RHBDD1: variants seen among roughly 807,000 people sequenced by gnomAD.
RHBDD1 encodes the protein rhomboid domain containing 1.
Under a neutral mutation model 36.3 loss-of-function variants are expected in RHBDD1, and 38 were observed. That is an observed-to-expected ratio of 1.05 (90% CI 0.81 to 1.37). The LOEUF (loss-of-function observed/expected upper bound fraction) is 1.37, where lower values mean the gene tolerates loss of function less well. Among genes scored for constraint, RHBDD1 ranks in the 40% most tolerant of loss-of-function variants. The pLI is 0.00. For synonymous variants in RHBDD1, 151 were observed against 136.5 expected (o/e 1.11, Z -0.74); for missense variants, 393 against 377.6 (o/e 1.04, Z -0.34).
At chr2:226,931,863 A>G (rs1483060418) in intron 8 of RHBDD1, among the ~76,000 whole-genome samples, 2 of 126,470 alleles carry the variant, frequency 1.6e-5, no homozygotes, top group African/African-American at 6.4e-5. Context: ...AAGCTTGTTG[A>G]TATCTACTGA....
chr2:226,992,147 A>G (rs1198397771), intron 8 of RHBDD1, among the ~76,000 whole-genome samples: 3 of 152,178 alleles, frequency 2.0e-5, no homozygotes, highest in African/African-American at 7.2e-5. Context: ...AACTATAGAA[A>G]CAATTTGACA....
intron 8 of RHBDD1, among the ~76,000 whole-genome samples, chr2:226,966,157 T>A (rs1952614104): frequency 6.6e-6 from 1 of 152,150 alleles, no homozygotes; most frequent in Non-Finnish European, 1.5e-5. Context: ...ATTATTTGGG[T>A]GAGTAGTTAA....
intron 8 of RHBDD1, among the ~76,000 whole-genome samples, chr2:226,955,969 C>T (rs1327356591): frequency 2.0e-5 from 3 of 152,174 alleles, no homozygotes; most frequent in Non-Finnish European, 4.4e-5. Context: ...GCTTAGCACA[C>T]GCAGATGCCA....
intron 5 of RHBDD1, among the ~76,000 whole-genome samples, chr2:226,900,839 A>G (rs1947525492): frequency 6.6e-6 from 1 of 152,202 alleles, no homozygotes; most frequent in Non-Finnish European, 1.5e-5. Context: ...TAATTAATAT[A>G]TCTGTTACTT....
chr2:226,804,947 A>G, the RHBDD1 span: 1 of 152,374 alleles, frequency 6.6e-6, no homozygotes, highest in Non-Finnish European at 1.5e-5. Flanking sequence ...CCTTGAGCCC[A>G]GGAGTTCAAG....
Position 226,914,366 on chromosome 2 carries a change from C to T in RHBDD1, c.856+15C>T. On this transcript the variant is annotated intron_variant, in intron 8 of 8. Transcript: ENST00000392062. ...CTGGGACCGAGGTAGGAGTCTTGCG[C>T]CCTTCAGTTATTTTAAAGCATACCT... 6.2e-7 allele frequency: 1 copy of T among 1,607,090 alleles called. No individual in the cohort carries two copies. Among genetic ancestry groups the T allele is most frequent in the Non-Finnish European group, 8.5e-7 (1 of 1,176,902 alleles).
At chr2:226,952,678 A>G (rs1951510575) in intron 8 of RHBDD1, among the ~76,000 whole-genome samples, 1 of 152,210 alleles carries the variant, frequency 6.6e-6, no homozygotes, top group Non-Finnish European at 1.5e-5. Context: ...AAAAATATAT[A>G]GAAAACCTAT....
intron 8 of RHBDD1, among the ~76,000 whole-genome samples, chr2:226,918,234 G>A (rs1450390714): frequency 6.6e-6 from 1 of 151,750 alleles, no homozygotes; most frequent in Admixed American, 6.6e-5. Context: ...TGGGGTACAT[G>A]AGAATTTTAA....
At chr2:226,811,390 G>A in the RHBDD1 span, among the ~76,000 whole-genome samples, 25 of 152,238 alleles carry the variant, frequency 1.6e-4, no homozygotes, top group African/African-American at 4.3e-4. Flanking sequence ...CAACCTCCGC[G>A]TCCCGGGTCC....
chr2:226,856,579 C>A (rs1412894280), intron 3 of RHBDD1, among the ~76,000 whole-genome samples: 1 of 152,004 alleles, frequency 6.6e-6, no homozygotes, highest in Non-Finnish European at 1.5e-5. Flanking sequence ...GCTAGAAAAG[C>A]CATGAATGAA....
At chr2:226,992,033 A>G (rs1003375999) in intron 8 of RHBDD1, among the ~76,000 whole-genome samples, 8 of 152,258 alleles carry the variant, frequency 5.3e-5, no homozygotes, top group Non-Finnish European at 8.8e-5. Context: ...TGCTGAACAA[A>G]TGTGAGTACA....
chr2:226,909,450 T>C (rs1948356715), intron 7 of RHBDD1, among the ~76,000 whole-genome samples: 1 of 152,190 alleles, frequency 6.6e-6, no homozygotes, highest in Non-Finnish European at 1.5e-5. Flanking sequence ...GGTAGTATTT[T>C]AGATCAGGCC....
upstream of RHBDD1, among the ~76,000 whole-genome samples, chr2:226,834,944 T>C (rs945101072): frequency 2.0e-5 from 3 of 151,994 alleles, no homozygotes; most frequent in Non-Finnish European, 4.4e-5. Flanking sequence ...CCTGGCTAAT[T>C]TTTGTATTTT....
the RHBDD1 span, among the ~76,000 whole-genome samples, chr2:226,803,247 GCTT>G: frequency 6.6e-6 from 1 of 152,048 alleles, no homozygotes; most frequent in African/African-American, 2.4e-5. Context: ...TAAAAAGACA[GCTT>G]CTTACAGCTT....
At chr2:226,908,406 T>A in intron 6 of RHBDD1, 1 of 164,930 alleles carries the variant, frequency 6.1e-6, no homozygotes, top group Non-Finnish European at 1.3e-5. Flanking sequence ...CAAGAAAGAG[T>A]GAAGTCCCCT....
the RHBDD1 span, among the ~76,000 whole-genome samples, chr2:226,820,225 C>CCCTTATTT: frequency 6.6e-6 from 1 of 152,086 alleles, no homozygotes; most frequent in Non-Finnish European, 1.5e-5. Context: ...TAAATTATAG[C>CCCTTATTT]CCTTATTTTA....
At chr2:226,981,360 T>C (rs1167693209) in intron 8 of RHBDD1, among the ~76,000 whole-genome samples, 1 of 150,294 alleles carries the variant, frequency 6.7e-6, no homozygotes, top group African/African-American at 2.5e-5. Context: ...GAACTTAAAG[T>C]ATAATAAAAA....
intron 5 of RHBDD1, among the ~76,000 whole-genome samples, chr2:226,889,084 A>G (rs1483319135): frequency 6.6e-6 from 1 of 152,246 alleles, no homozygotes; most frequent in Non-Finnish European, 1.5e-5. Context: ...CCACTTCAGC[A>G]TCTCTGAGTG....
chr2:226,803,772 C>A, the RHBDD1 span, among the ~76,000 whole-genome samples: 2 of 152,160 alleles, frequency 1.3e-5, no homozygotes, highest in East Asian at 3.8e-4. Flanking sequence ...TAAAATCTTT[C>A]ATCTGTTTTA....
Sources: gnomAD v4.1 joint callset for allele counts (sites outside exome capture counted in the v4.1 genomes callset) on GRCh38, gnomAD v4.1.1 for gene constraint, MANE v1.5 for transcripts, NCBI Gene and HGNC (gene_info 2026-07-23, HGNC 2026-07-21) for gene names.